IL1RAPL2: variants seen among roughly 807,000 people sequenced by gnomAD.
IL1RAPL2 encodes the protein interleukin 1 receptor accessory protein like 2.
In IL1RAPL2, 3 loss-of-function variants were observed where a neutral mutation model predicts 44.1. The ratio of observed to expected loss-of-function variants is 0.07; its 90% CI spans 0.03 to 0.18. IL1RAPL2 has a LOEUF of 0.18. Ranked by LOEUF, IL1RAPL2 falls within the 10% of genes least tolerant of loss-of-function variation. The probability of loss-of-function intolerance (pLI) is 1.00; values close to 1 mark genes in which losing one functional copy is unlikely to be tolerated. For missense variants in IL1RAPL2, 391 were observed against 496.4 expected, an observed-to-expected ratio of 0.79 and a Z score of 2.02; for synonymous variants, 181 against 178.8, an observed-to-expected ratio of 1.01 and a Z score of -0.10.
At chrX:105,076,053 T>C (rs1390432214) in intron 2 of IL1RAPL2, among the ~76,000 whole-genome samples, 1 of 111,641 alleles carries the variant, frequency 9.0e-6, no homozygotes, top group African/African-American at 3.3e-5. Context: ...TCAGTTCTGC[T>C]CTGATTTTAG....
At chrX:105,056,598 G>A (rs1400411781) in intron 2 of IL1RAPL2, among the ~76,000 whole-genome samples, 1 of 111,304 alleles carries the variant, frequency 9.0e-6, no homozygotes, top group Non-Finnish European at 1.9e-5. Context: ...CCTGAATCCT[G>A]AAGGAGAAAA....
chrX:105,601,546 C>T (rs1035762498), intron 6 of IL1RAPL2, among the ~76,000 whole-genome samples: 5 of 111,264 alleles, frequency 4.5e-5, no homozygotes, highest in African/African-American at 1.3e-4. Flanking sequence ...CTCTCAGCAG[C>T]GCCTATTGCC....
intron 1 of IL1RAPL2, among the ~76,000 whole-genome samples, chrX:104,596,148 A>G (rs1368745349): frequency 4.5e-5 from 5 of 111,475 alleles, no homozygotes; most frequent in African/African-American, 1.6e-4. Flanking sequence ...TTTAATTAAC[A>G]TATTAATAAT....
At chrX:105,759,020 C>A (rs1175957559) in intron 10 of IL1RAPL2, among the ~76,000 whole-genome samples, 1 of 111,985 alleles carries the variant, frequency 8.9e-6, no homozygotes, top group Non-Finnish European at 1.9e-5. Flanking sequence ...TGCTCTGAAG[C>A]TGACATGTGA....
At chrX:104,927,806 TTTTGTTTTC>T (rs2147695293) in intron 2 of IL1RAPL2, among the ~76,000 whole-genome samples, 1 of 111,686 alleles carries the variant, frequency 9.0e-6, no homozygotes, top group South Asian at 3.8e-4. Flanking sequence ...ATGAATGGCG[TTTTGTTTTC>T]TATTACCTTT....
At chrX:105,749,245 T>C (rs2038576903) in intron 9 of IL1RAPL2, 142 bp downstream of exon 9, 5 of 461,942 alleles carry the variant, frequency 1.1e-5, no homozygotes, top group African/African-American at 9.7e-5. Flanking sequence ...TTAAATAGTT[T>C]AGAAGACTTA....
intron 6 of IL1RAPL2, among the ~76,000 whole-genome samples, chrX:105,666,525 G>T (rs1039768950): frequency 5.4e-5 from 6 of 111,599 alleles, no homozygotes; most frequent in Non-Finnish European, 9.4e-5. Flanking sequence ...TGTGTGCATC[G>T]GTAATTTCTA....
chrX:105,231,614 CAA>C (rs1476857603), intron 3 of IL1RAPL2, among the ~76,000 whole-genome samples: 1 of 112,306 alleles, frequency 8.9e-6, no homozygotes, highest in Middle Eastern at 4.2e-3. Flanking sequence ...GTGTAATTAA[CAA>C]GAGCAACAAA....
intron 2 of IL1RAPL2, among the ~76,000 whole-genome samples, chrX:105,088,981 G>A (rs1020267931): frequency 6.3e-5 from 7 of 110,574 alleles, no homozygotes; most frequent in Non-Finnish European, 9.5e-5. Flanking sequence ...CTGAATGGGG[G>A]AATAATTATT....
chrX:104,969,674 G>A (rs915483817), intron 2 of IL1RAPL2, among the ~76,000 whole-genome samples: 5 of 111,514 alleles, frequency 4.5e-5, no homozygotes. Context: ...AACAACTCAA[G>A]AGAAAATTAG....
chrX:104,582,550 C>T (rs147492774), intron 1 of IL1RAPL2, among the ~76,000 whole-genome samples: 1,736 of 101,278 alleles, frequency 0.017, 53 homozygotes, highest in African/African-American at 0.062. Flanking sequence ...TTCCTTCCTC[C>T]CCTTCCTCCT....
At chrX:105,353,318 G>C (rs2035172793) in intron 5 of IL1RAPL2, among the ~76,000 whole-genome samples, 1 of 111,616 alleles carries the variant, frequency 9.0e-6, no homozygotes, top group Non-Finnish European at 1.9e-5. Context: ...GTACCATGCT[G>C]TTTTGGTTAC....
In IL1RAPL2 at chrX:105,767,398, C is replaced by G; in HGVS notation, c.1798C>G (p.Gln600Glu). The G allele has an allele frequency of 8.3e-7, 1 of 1,211,290 alleles. No homozygotes were observed. The highest frequency in any genetic ancestry group is 1.1e-6 in the Non-Finnish European group (1 of 895,071). ...TSTSATLVSSQADLPEFHPSD... is the reference protein window; with the variant it reads ...TSTSATLVSSEADLPEFHPSD... ...TACTTCAGCCACTCTGGTGTCATCT[C>G]AGGCTGATCTCCCTGAATTCCACCC... The change falls in exon 11 of 11, where the codon CAG becomes GAG. Residue 600 changes from glutamine (Q) to glutamate (E), a missense_variant. Transcript: ENST00000372582.
intron 2 of IL1RAPL2, among the ~76,000 whole-genome samples, chrX:105,103,813 T>C (rs890202485): frequency 9.0e-6 from 1 of 111,690 alleles, no homozygotes; most frequent in Non-Finnish European, 1.9e-5. Context: ...CATTACAACC[T>C]GAAGGAGGCA....
chrX:105,557,751 A>G (rs1449570189), intron 6 of IL1RAPL2, among the ~76,000 whole-genome samples: 3 of 111,295 alleles, frequency 2.7e-5, no homozygotes, highest in African/African-American at 6.5e-5. Flanking sequence ...CGCCCTCCCC[A>G]ATCCAGAGAC....
chrX:104,597,226 C>T (rs752064410), intron 1 of IL1RAPL2, among the ~76,000 whole-genome samples: 47 of 108,897 alleles, frequency 4.3e-4, no homozygotes, highest in Admixed American at 2.9e-3. Flanking sequence ...CACCTGTAGT[C>T]CCAGCTACTC....
At chrX:105,028,713 A>G (rs2031421537) in intron 2 of IL1RAPL2, among the ~76,000 whole-genome samples, 1 of 110,545 alleles carries the variant, frequency 9.0e-6, no homozygotes, top group Admixed American at 9.7e-5. Flanking sequence ...GGGAAGCTAG[A>G]ATTCAGAAAT....
intron 6 of IL1RAPL2, among the ~76,000 whole-genome samples, chrX:105,513,299 G>A (rs2036485510): frequency 9.0e-6 from 1 of 111,239 alleles, no homozygotes; most frequent in African/African-American, 3.3e-5. Context: ...TGGGATTGCT[G>A]GGTCAAATGG....
intron 2 of IL1RAPL2, among the ~76,000 whole-genome samples, chrX:104,966,234 AAATT>A (rs1241132204): frequency 9.0e-6 from 1 of 111,687 alleles, no homozygotes; most frequent in Non-Finnish European, 1.9e-5. Flanking sequence ...AACACCAAGT[AAATT>A]GGTGAAAAAT....
Sources: gnomAD v4.1 joint callset for allele counts (sites outside exome capture counted in the v4.1 genomes callset) on GRCh38, gnomAD v4.1.1 for gene constraint, MANE v1.5 for transcripts, NCBI Gene and HGNC (gene_info 2026-07-23, HGNC 2026-07-21) for gene names.